SNX24: variants seen among roughly 807,000 people sequenced by gnomAD.
SNX24 encodes the protein sorting nexin-24.
SNX24 carries 22 observed loss-of-function variants against 28.7 expected under a neutral mutation model. The ratio of observed to expected loss-of-function variants is 0.77; its 90% CI spans 0.55 to 1.10. The LOEUF (loss-of-function observed/expected upper bound fraction) is 1.10. Ranked by LOEUF, SNX24 falls within the 50% of genes least tolerant of loss-of-function variation. The probability of loss-of-function intolerance (pLI) is 0.00; values close to 1 mark genes in which losing one functional copy is unlikely to be tolerated. For synonymous variants in SNX24, 69 were observed against 71.5 expected (o/e 0.96, Z 0.18); for missense variants, 221 against 201.1 (o/e 1.10, Z -0.60).
intron 6 of SNX24, among the ~76,000 whole-genome samples, chr5:123,005,209 A>G (rs1431618795): frequency 6.6e-6 from 1 of 152,148 alleles, no homozygotes; most frequent in Non-Finnish European, 1.5e-5. Flanking sequence ...TAATGGTCAC[A>G]GACTATCTTA....
intron 1 of SNX24, among the ~76,000 whole-genome samples, chr5:122,848,664 G>A (rs71594308): frequency 0.026 from 3,978 of 152,120 alleles, 67 homozygotes; most frequent in Non-Finnish European, 0.037. Context: ...AGCCGAGATC[G>A]CGCCACTGCA....
chr5:122,909,784 C>T (rs181085266), intron 1 of SNX24, among the ~76,000 whole-genome samples: 65 of 152,308 alleles, frequency 4.3e-4, no homozygotes, highest in Non-Finnish European at 7.5e-4. Flanking sequence ...TTTTGCTGCC[C>T]ACTCAGCCCC....
intron 3 of SNX24, among the ~76,000 whole-genome samples, chr5:122,946,752 A>C (rs1031868440): frequency 6.6e-6 from 1 of 152,244 alleles, no homozygotes; most frequent in African/African-American, 2.4e-5. Flanking sequence ...CTCTTTACCA[A>C]GTGACAGAAG....
chr5:122,943,378 T>G (rs762926259), intron 2 of SNX24, among the ~76,000 whole-genome samples: 6 of 152,094 alleles, frequency 3.9e-5, no homozygotes, highest in Non-Finnish European at 5.9e-5. Context: ...CCACTGCCCT[T>G]CTCTCTGTAC....
intron 1 of SNX24, among the ~76,000 whole-genome samples, chr5:122,885,002 A>G (rs569597371): frequency 1.3e-5 from 2 of 152,346 alleles, no homozygotes; most frequent in Non-Finnish European, 2.9e-5. Flanking sequence ...GCACGCTATT[A>G]TGGAAAAGAA....
chr5:122,865,507 T>G (rs1381461961), intron 1 of SNX24, among the ~76,000 whole-genome samples: 1 of 152,118 alleles, frequency 6.6e-6, no homozygotes, highest in African/African-American at 2.4e-5. Flanking sequence ...ATTTTTGTAT[T>G]TTTAGTAGAG....
At chr5:123,025,938 T>C (rs1762847006) in intron 5 of SNX24, 1 of 1,607,522 alleles carries the variant, frequency 6.2e-7, no homozygotes, top group South Asian at 1.1e-5. Flanking sequence ...GAAGTTCTCA[T>C]CTGGAAATGT....
chr5:122,888,716 A>G (rs989734481), intron 1 of SNX24, among the ~76,000 whole-genome samples: 1 of 152,184 alleles, frequency 6.6e-6, no homozygotes, highest in African/African-American at 2.4e-5. Context: ...CATTTCAAGC[A>G]GTGGGTGATC....
At chr5:122,941,842 A>C (rs1307143929) in intron 2 of SNX24, among the ~76,000 whole-genome samples, 1 of 152,182 alleles carries the variant, frequency 6.6e-6, no homozygotes, top group African/African-American at 2.4e-5. Flanking sequence ...GCTTGCCCTG[A>C]TACCTTTGTA....
At chr5:122,980,055 C>A (rs1761330044) in intron 3 of SNX24, among the ~76,000 whole-genome samples, 1 of 151,350 alleles carries the variant, frequency 6.6e-6, no homozygotes. Context: ...TTTCCACACT[C>A]ATTAAATATC....
At chr5:122,928,238 C>G (rs1758787939) in intron 1 of SNX24, among the ~76,000 whole-genome samples, 1 of 152,102 alleles carries the variant, frequency 6.6e-6, no homozygotes, top group African/African-American at 2.4e-5. Flanking sequence ...CTGGACCAAC[C>G]TCCTCCCATC....
chr5:123,015,596 C>CT (rs1762665838), intron 5 of SNX24, among the ~76,000 whole-genome samples: 1 of 152,132 alleles, frequency 6.6e-6, no homozygotes, highest in Admixed American at 6.6e-5. Context: ...CTCTGTACAA[C>CT]TTTTCAGGCC....
At chr5:123,028,888 T>A (rs1762902197) in intron 5 of SNX24, 1 of 1,558,114 alleles carries the variant, frequency 6.4e-7, no homozygotes, top group Admixed American at 1.7e-5. Context: ...TTACTTCAGT[T>A]GAATAACAAG....
chr5:122,948,512 G>C (rs77445738), intron 3 of SNX24: 4,295 of 152,316 alleles, frequency 0.028, 76 homozygotes, highest in Middle Eastern at 0.054. Flanking sequence ...ACATAGTCCG[G>C]TCCTTCAGCT....
intron 1 of SNX24, among the ~76,000 whole-genome samples, chr5:122,917,694 G>A (rs1758240384): frequency 6.6e-6 from 1 of 152,188 alleles, no homozygotes; most frequent in Non-Finnish European, 1.5e-5. Flanking sequence ...TCATAAAACT[G>A]CATTCTTCAC....
chr5:122,874,602 G>A (rs557963801), intron 1 of SNX24, among the ~76,000 whole-genome samples: 2 of 152,338 alleles, frequency 1.3e-5, no homozygotes, highest in South Asian at 2.1e-4. Context: ...TTCTGGTACT[G>A]AGCTACACAG....
intron 3 of SNX24, among the ~76,000 whole-genome samples, chr5:122,959,183 C>A (rs924555124): frequency 1.3e-5 from 2 of 151,818 alleles, no homozygotes; most frequent in Non-Finnish European, 2.9e-5. Context: ...GAGACCTGTT[C>A]AGATTTTCTA....
chr5:122,864,453 G>A (rs1157344795), intron 1 of SNX24, among the ~76,000 whole-genome samples: 1 of 152,240 alleles, frequency 6.6e-6, no homozygotes, highest in African/African-American at 2.4e-5. Flanking sequence ...AACCGCAACA[G>A]AGAAAGAGTA....
At position 122,847,498 on chromosome 5, in the gene SNX24, C is replaced by CTTTT. The variant is rs1205586830; in HGVS notation, c.60+1806_60+1807insTTTT. Among the ~76,000 whole-genome samples, 5 of 41,264 alleles carry CTTTT rather than the reference C, an allele frequency of 1.2e-4. No individual in the cohort carries two copies. The East Asian group carries it at 0.011, about 94-fold the overall frequency. The allele number at this position is 41,264 out of a possible 152,430, so 27.1% of individuals were successfully genotyped here. A position where few individuals can be genotyped will look rare whatever the true frequency, so the allele number is the denominator to read the frequency against. Reference sequence around the variant, plus strand: ...GGAGCTAAACTGTTAAAATCTCTCTCTCTCTTTTTTTTTTTGAGACAGTCT... The same window carrying CTTTT: ...GGAGCTAAACTGTTAAAATCTCTCTCTTTTTCTCTTTTTTTTTTTGAGACAGTCT... On this transcript the variant is annotated intron_variant, in intron 1 of 6. Coordinates refer to ENST00000261369, the MANE Select transcript of SNX24 (RefSeq NM_014035.4).
Sources: gnomAD v4.1 joint callset for allele counts (sites outside exome capture counted in the v4.1 genomes callset) on GRCh38, gnomAD v4.1.1 for gene constraint, MANE v1.5 for transcripts, NCBI Gene and HGNC (gene_info 2026-07-23, HGNC 2026-07-21) for gene names.